Variants in PTPRN observed in about 807,000 individuals in gnomAD.
PTPRN encodes protein tyrosine phosphatase receptor type N.
Under a neutral mutation model 108.5 loss-of-function variants are expected in PTPRN, and 70 were observed. The ratio of observed to expected loss-of-function variants is 0.65; its 90% CI spans 0.53 to 0.79. The LOEUF is 0.79. PTPRN is among the 30% of genes least tolerant of loss of function. The probability of loss-of-function intolerance (pLI) is 0.00; values close to 1 mark genes in which losing one functional copy is unlikely to be tolerated. For synonymous variants in PTPRN, 496 were observed against 524.6 expected (o/e 0.95, Z 0.75); for missense variants, 1,136 against 1,295.5 (o/e 0.88, Z 1.89).
chr2:219,303,082 AAGGCTGGGTAATCATG>A (rs1396584894), intron 4 of PTPRN, among the ~76,000 whole-genome samples: 1 of 152,164 alleles, frequency 6.6e-6, no homozygotes, highest in Non-Finnish European at 1.5e-5. Flanking sequence ...AACAACTGCA[AAGGCTGGGTAATCATG>A]AGGCTGGGGA....
chr2:219,301,048 A>G (rs1952332350), intron 7 of PTPRN, 71 bp from the exon 8 acceptor site: 1 of 1,475,506 alleles, frequency 6.8e-7, no homozygotes, highest in Non-Finnish European at 9.5e-7. Flanking sequence ...AAGTGGGAGA[A>G]AGGGCCAGAG....
At position 219,296,836 on chromosome 2, in the gene PTPRN, A is replaced by ACACCC; in HGVS notation, c.2237-19_2237-15dup. Reference sequence around the variant, plus strand: ...GGGCATGGTCATCTGCACAGACCCGACACCCCACCCCAGATGGCCCTCTGG... The same window carrying ACACCC: ...GGGCATGGTCATCTGCACAGACCCGACACCCCACCCCACCCCAGATGGCCCTCTGG... On this transcript the variant is annotated splice_polypyrimidine_tract_variant and intron_variant, in intron 15 of 22. Coordinates refer to ENST00000295718, the MANE Select transcript of PTPRN (RefSeq NM_002846.4). The surrounding 1 kb of genome is among the most constrained non-coding windows in gnomAD (Gnocchi z 6.0). The ACACCC allele has an allele frequency of 6.2e-7, 1 of 1,613,860 alleles. No homozygotes were observed. Among genetic ancestry groups the ACACCC allele is most frequent in the Non-Finnish European group, 8.5e-7 (1 of 1,179,962 alleles).
At position 219,297,300 on chromosome 2, in the gene PTPRN, C is replaced by T. The variant is rs1241671604; in HGVS notation, c.2021G>A (p.Ser674Asn). The T allele has an allele frequency of 6.2e-7, 1 of 1,613,948 alleles. No individual in the cohort carries two copies. The highest frequency in any genetic ancestry group is 8.5e-7 in the Non-Finnish European group (1 of 1,180,034). The change falls in exon 14 of 23, where the codon AGC becomes AAC. Residue 674 changes from serine to asparagine, a missense_variant. Coordinates refer to ENST00000295718, the MANE Select transcript of PTPRN (RefSeq NM_002846.4). The surrounding 1 kb of genome is among the most constrained non-coding windows in gnomAD (Gnocchi z 6.0). ...AAQASPSSHS[S>N]TPSWCEEPAQ... ...CGGCTCCTCGCACCAGGACGGGGTG[C>T]TGCTGTGGGAGCTGGGGCTGGCCTG...
chr2:219,297,253 A>G lies in PTPRN; in HGVS notation c.2068T>C (p.Ser690Pro), dbSNP rs899725064. 7 of 1,614,040 alleles carry G rather than the reference A, an allele frequency of 4.3e-6. No homozygotes were observed. The highest frequency in any genetic ancestry group is 5.9e-6 in the Non-Finnish European group (7 of 1,179,996). Reference protein sequence around the residue: ...EEPAQANMDISTGHMILAYME... With the variant: ...EEPAQANMDIPTGHMILAYME... ...CTGACCAGAATCATGTGTCCCGTGG[A>G]GATGTCCATGTTGGCTTGGGCCGGC... The change falls in exon 14 of 23, where the codon TCC becomes CCC. Residue 690 changes from serine to proline, a missense_variant. Coordinates refer to ENST00000295718, the MANE Select transcript of PTPRN (RefSeq NM_002846.4). The surrounding 1 kb of genome is among the most constrained non-coding windows in gnomAD (Gnocchi z 6.0).
chr2:219,302,708 G>A lies in PTPRN; in HGVS notation c.507C>T (p.Ala169=). 6.2e-7 allele frequency: 1 copy of A among 1,613,330 alleles called. No homozygotes were observed. The highest frequency in any genetic ancestry group is 8.5e-7 in the Non-Finnish European group (1 of 1,179,866). The change falls in exon 5 of 23, where the codon GCC becomes GCT. Residue 169 remains alanine (A), a synonymous_variant. Coordinates refer to ENST00000295718, the MANE Select transcript of PTPRN (RefSeq NM_002846.4). ...QPPVGKGGAG[A]SSSLSPLQAE... is the part of the protein sequence containing the mutation. ...CCTGCAGAGGGGACAGAGAGGAGCT[G>A]GCCCCAGCTCCACCTTTGCCCACTG... is the stretch of plus-strand genomic sequence containing the variant.
chr2:219,290,150 G>A lies in PTPRN; in HGVS notation c.*76C>T. 2.2e-6 allele frequency: 3 copies of A among 1,351,480 alleles called. No homozygotes were observed. The highest frequency in any genetic ancestry group is 3.2e-6 in the Non-Finnish European group (3 of 944,166). The allele number at this position is 1,351,480 out of a possible 1,614,324, so 83.7% of individuals were successfully genotyped here. A position where few individuals can be genotyped will look rare whatever the true frequency, so the allele number is the denominator to read the frequency against. Reference sequence around the variant, plus strand: ...CAAGAGGTGGCTGGTGGGGCAGTGAGGAGTGGGTACACAGAGATGCTCACA... The same window carrying A: ...CAAGAGGTGGCTGGTGGGGCAGTGAAGAGTGGGTACACAGAGATGCTCACA... On this transcript the variant is annotated 3_prime_UTR_variant, in exon 23 of 23. Transcript: ENST00000295718. The surrounding 1 kb of genome is among the most constrained non-coding windows in gnomAD (Gnocchi z 4.2).
intron 3 of PTPRN, 84 bp downstream of exon 3, chr2:219,307,360 G>C: frequency 8.5e-7 from 1 of 1,182,840 alleles, no homozygotes. Context: ...GGGGTGATAG[G>C]AATATTCCTT....
chr2:219,309,338 C>T lies in PTPRN; in HGVS notation c.-6G>A. 3 of 1,420,566 alleles carry T rather than the reference C, an allele frequency of 2.1e-6. No individual in the cohort carries two copies. Among genetic ancestry groups the T allele is most frequent in the Non-Finnish European group, 2.8e-6 (3 of 1,076,678 alleles). The allele number at this position is 1,420,566 out of a possible 1,614,324, so 88.0% of individuals were successfully genotyped here. The stretch of plus-strand genomic sequence containing the variant: ...GGCCGCCGCGGGCGCCGCATCTTTC[C>T]GAGCTCCGGGCGCTCGCTCCCGGGC... On this transcript the variant is annotated 5_prime_UTR_variant, in exon 1 of 23. Coordinates refer to ENST00000295718, the MANE Select transcript of PTPRN (RefSeq NM_002846.4).
chr2:219,296,590 G>C lies in PTPRN; in HGVS notation c.2311-74C>G. 1.9e-6 allele frequency: 3 copies of C among 1,586,096 alleles called. No individual in the cohort carries two copies. The highest frequency in any genetic ancestry group is 2.2e-5 in the East Asian group (1 of 44,652). On this transcript the variant is annotated intron_variant, in intron 16 of 22. Transcript: ENST00000295718. The surrounding 1 kb of genome is among the most constrained non-coding windows in gnomAD (Gnocchi z 6.0). ...TGGACAGGCGTGGTCAGAGCAAGTG[G>C]GTCAGGGTCTGAGAAGGCTGGCAGT...
At chr2:219,309,183 C>A (rs57623838) in intron 1 of PTPRN, 35 bp downstream of exon 1, 1 of 1,301,742 alleles carries the variant, frequency 7.7e-7, no homozygotes, top group Non-Finnish European at 1.1e-6. Context: ...TGCTCCCCGC[C>A]CCCCACCACC....
At chr2:219,305,918 G>C (rs1319878578) in intron 3 of PTPRN, among the ~76,000 whole-genome samples, 1 of 152,198 alleles carries the variant, frequency 6.6e-6, no homozygotes, top group Non-Finnish European at 1.5e-5. Flanking sequence ...GGGAGGCCCA[G>C]GCAGATGGAT....
chr2:219,293,094 T>G (rs1037243760), intron 19 of PTPRN, among the ~76,000 whole-genome samples: 1 of 152,172 alleles, frequency 6.6e-6, no homozygotes, highest in Non-Finnish European at 1.5e-5. Context: ...GCCAAGGAAC[T>G]TACTCAGGGT....
At position 219,290,900 on chromosome 2, in the gene PTPRN, GAGTT is replaced by G. The variant is rs779509093; in HGVS notation, c.2730-14_2730-11del. The G allele has an allele frequency of 1.9e-6, 3 of 1,613,522 alleles. No individual in the cohort carries two copies. The South Asian group carries it at 3.3e-5, about 18-fold the overall frequency. ...CCTCCCCGCACCATCACTGAAACAG[GAGTT>G]AGTGACAGGTTTAGCTTGAGATGCA... On this transcript the variant is annotated splice_polypyrimidine_tract_variant and intron_variant, in intron 20 of 22. Coordinates refer to ENST00000295718, the MANE Select transcript of PTPRN (RefSeq NM_002846.4). The surrounding 1 kb of genome is among the most constrained non-coding windows in gnomAD (Gnocchi z 4.2).
At chr2:219,292,685 A>C (rs189084022) in intron 19 of PTPRN, 1 of 152,290 alleles carries the variant, frequency 6.6e-6, no homozygotes, top group African/African-American at 2.4e-5. Flanking sequence ...TACTTTATCA[A>C]ATCTTGCAAC....
Position 219,302,633 on chromosome 2 carries a change from A to C in PTPRN, c.582T>G (p.Pro194=), listed in dbSNP as rs1952383537. 1.9e-6 allele frequency: 3 copies of C among 1,613,854 alleles called. No homozygotes were observed. The South Asian group carries it at 3.3e-5, about 18-fold the overall frequency. ...GTTCGTAACTCAGTGAAGGGTGGGG[A>C]GGCTGTGGGGGCAGCAGCAGGTGCT... is the stretch of plus-strand genomic sequence containing the variant. ...LLEHLLLPPQ[P]PHPSLSYEPA... The change falls in exon 5 of 23, where the codon CCT becomes CCG. Residue 194 remains proline, a synonymous_variant. Coordinates refer to ENST00000295718, the MANE Select transcript of PTPRN (RefSeq NM_002846.4).
In PTPRN at chr2:219,296,740, G is replaced by A. The variant is rs1329232390; in HGVS notation, c.2310+9C>T. 1.2e-6 allele frequency: 2 copies of A among 1,613,644 alleles called. No individual in the cohort carries two copies. Among genetic ancestry groups the A allele is most frequent in the Admixed American group, 3.3e-5 (2 of 59,968 alleles). On this transcript the variant is annotated intron_variant, in intron 16 of 22. Transcript: ENST00000295718. This position sits in a 1 kb window ranked among gnomAD's most constrained non-coding sequence, Gnocchi z 6.0. Reference sequence around the variant, plus strand: ...GGCAGAGGTGGGGGCTGGAGTCAGGGCCACTCACAATGGGGCTGGCGTTGA... The same window carrying A: ...GGCAGAGGTGGGGGCTGGAGTCAGGACCACTCACAATGGGGCTGGCGTTGA...
In PTPRN at chr2:219,296,448, G is replaced by A. The variant is rs1163368633; in HGVS notation, c.2379C>T (p.Asp793=). The change falls in exon 17 of 23, where the codon GAC becomes GAT. Residue 793 remains aspartate, a synonymous_variant. Coordinates refer to ENST00000295718, the MANE Select transcript of PTPRN (RefSeq NM_002846.4). The surrounding 1 kb of genome is among the most constrained non-coding windows in gnomAD (Gnocchi z 6.0). ...CCCTTTAAGAGCCCACCTGCCAGAAGTCTGCGATGGTATGGGACAGCGGGC... is the reference window on the plus strand; with the variant it reads ...CCCTTTAAGAGCCCACCTGCCAGAAATCTGCGATGGTATGGGACAGCGGGC... The part of the protein sequence containing the change: ...TQGPLSHTIA[D]FWQMVWESGC... The A allele has an allele frequency of 3.1e-6, 5 of 1,614,180 alleles. No homozygotes were observed. Among genetic ancestry groups the A allele is most frequent in the Non-Finnish European group, 4.2e-6 (5 of 1,180,018 alleles).
chr2:219,302,915 C>T (rs771219798), intron 4 of PTPRN, 78 bp from the exon 5 acceptor site: 78 of 1,522,056 alleles, frequency 5.1e-5, no homozygotes, highest in Non-Finnish European at 6.7e-5. Flanking sequence ...CTATTCGGGG[C>T]CAGGCAGGCT....
intron 1 of PTPRN, 52 bp from the exon 2 acceptor site, chr2:219,307,894 G>A (rs758615503): frequency 6.4e-7 from 1 of 1,557,652 alleles, no homozygotes; most frequent in Non-Finnish European, 8.9e-7. Flanking sequence ...CAGAGAATGG[G>A]CAGATGGGTG....
Sources: gnomAD v4.1 joint callset for allele counts (sites outside exome capture counted in the v4.1 genomes callset) on GRCh38, gnomAD v4.1.1 for gene constraint, Gnocchi (gnomAD v3.1) non-coding constraint, MANE v1.5 for transcripts, NCBI Gene and HGNC (gene_info 2026-07-23, HGNC 2026-07-21) for gene names.